The following STYXL1 variants were observed in gnomAD, a reference collection of about 807,000 sequenced individuals.
STYXL1 encodes the protein serine/threonine/tyrosine interacting like 1, also known as serine/threonine/tyrosine-interacting-like protein 1.
A neutral mutation model predicts 36.4 loss-of-function variants in STYXL1; 32 were observed. That is an observed-to-expected ratio of 0.88 (90% CI 0.66 to 1.18). STYXL1 has a LOEUF of 1.18. Among genes scored for constraint, STYXL1 ranks in the 50% most tolerant of loss-of-function variants. STYXL1 has a pLI of 0.00. For missense variants in STYXL1, 354 were observed against 394.1 expected (o/e 0.90, Z 0.86); for synonymous variants, 133 against 144.1 (o/e 0.92, Z 0.55).
At chr7:76,020,875 T>C (rs1486034454) in intron 4 of STYXL1, among the ~76,000 whole-genome samples, 4 of 152,098 alleles carry the variant, frequency 2.6e-5, no homozygotes, top group Non-Finnish European at 5.9e-5. Flanking sequence ...AGTAAAGCCC[T>C]TGGTTCCTGG....
intron 3 of STYXL1, among the ~76,000 whole-genome samples, chr7:76,024,562 A>C (rs1200083294): frequency 1.3e-5 from 2 of 152,116 alleles, no homozygotes; most frequent in African/African-American, 2.4e-5. Flanking sequence ...GGCTGCAGTG[A>C]GCTGTGATGG....
intron 6 of STYXL1, among the ~76,000 whole-genome samples, chr7:76,004,956 G>T (rs1272348285): frequency 6.6e-6 from 1 of 152,236 alleles, no homozygotes; most frequent in Admixed American, 6.5e-5. Context: ...AGCCGAGATT[G>T]TGCCACTGCA....
At chr7:76,011,688 G>A (rs1297672622) in intron 5 of STYXL1, among the ~76,000 whole-genome samples, 2 of 152,182 alleles carry the variant, frequency 1.3e-5, no homozygotes, top group East Asian at 1.9e-4. Flanking sequence ...CACTCTCCAG[G>A]GACCAGGCCC....
intron 2 of STYXL1, among the ~76,000 whole-genome samples, chr7:76,029,698 TG>T (rs35017320): frequency 0.12 from 17,852 of 152,114 alleles, 2,069 homozygotes; most frequent in African/African-American, 0.3. Flanking sequence ...CGGTCCCTTC[TG>T]GGGGTGACAG....
chr7:76,021,324 G>A (rs566406065), intron 4 of STYXL1, among the ~76,000 whole-genome samples: 89 of 152,068 alleles, frequency 5.9e-4, no homozygotes, highest in African/African-American at 1.9e-3. Context: ...CTTGTGATCC[G>A]CCCGCCTCGG....
At chr7:76,045,626 G>C (rs1403074600) in intron 1 of STYXL1, 11 of 152,328 alleles carry the variant, frequency 7.2e-5, no homozygotes, top group Admixed American at 7.2e-4. Context: ...GAACCCGGAG[G>C]TGGAGGTTGC....
chr7:76,027,486 T>C (rs1189446729), intron 3 of STYXL1, among the ~76,000 whole-genome samples: 1 of 150,832 alleles, frequency 6.6e-6, no homozygotes, highest in African/African-American at 2.4e-5. Context: ...AAAATTAGCA[T>C]GTTGGCACAA....
intron 1 of STYXL1, among the ~76,000 whole-genome samples, chr7:76,039,819 T>A (rs1796306163): frequency 6.6e-6 from 1 of 152,080 alleles, no homozygotes; most frequent in African/African-American, 2.4e-5. Flanking sequence ...GGCTAATTTT[T>A]GTATTTTTAT....
intron 3 of STYXL1, among the ~76,000 whole-genome samples, chr7:76,025,099 G>A (rs1794532447): frequency 6.7e-6 from 1 of 150,142 alleles, no homozygotes; most frequent in Non-Finnish European, 1.5e-5. Flanking sequence ...CTGGGAATGA[G>A]GCTGGAGACA....
At chr7:76,004,737 C>T (rs1219789515) in intron 6 of STYXL1, among the ~76,000 whole-genome samples, 2 of 150,906 alleles carry the variant, frequency 1.3e-5, no homozygotes, top group African/African-American at 2.4e-5. Flanking sequence ...CGCGGTGGCT[C>T]ATGCCTGTAA....
intron 4 of STYXL1, among the ~76,000 whole-genome samples, chr7:76,021,283 G>A (rs532573365): frequency 5.7e-4 from 87 of 152,032 alleles, no homozygotes; most frequent in African/African-American, 1.2e-3. Flanking sequence ...GAGTTTCACC[G>A]TGTTAGCCAA....
chr7:76,012,312 G>A (rs545634952), intron 5 of STYXL1, among the ~76,000 whole-genome samples: 3 of 151,962 alleles, frequency 2.0e-5, no homozygotes, highest in South Asian at 2.1e-4. Context: ...GTCTTGCTTC[G>A]TCAACCAGGC....
chr7:76,037,212 G>A (rs1796000133), intron 1 of STYXL1, among the ~76,000 whole-genome samples: 1 of 150,294 alleles, frequency 6.7e-6, no homozygotes, highest in Non-Finnish European at 1.5e-5. Flanking sequence ...CAAAGTGCTG[G>A]GATTACAGGC....
At chr7:76,013,721 G>A (rs1554572925) in intron 5 of STYXL1, 21 bp downstream of exon 5, 6 of 1,613,788 alleles carry the variant, frequency 3.7e-6, no homozygotes, top group Non-Finnish European at 5.1e-6. Flanking sequence ...GGGCCTGCCT[G>A]TGCTCAGCAT....
At chr7:76,046,704 TG>T (rs1216997227) in intron 1 of STYXL1, among the ~76,000 whole-genome samples, 1 of 128,462 alleles carries the variant, frequency 7.8e-6, no homozygotes, top group Non-Finnish European at 1.6e-5. Context: ...TGGAGTACAG[TG>T]GGGTTATCTC....
chr7:76,013,654 C>T, intron 5 of STYXL1, 88 bp downstream of exon 5: 1 of 1,572,878 alleles, frequency 6.4e-7, no homozygotes. Context: ...GTCCCATCCT[C>T]CTGTTTCTCC....
chr7:76,018,820 G>A (rs1281590078), intron 4 of STYXL1, among the ~76,000 whole-genome samples: 1 of 152,194 alleles, frequency 6.6e-6, no homozygotes, highest in African/African-American at 2.4e-5. Flanking sequence ...ACACTGCTAT[G>A]AACATTCATG....
In STYXL1 at chr7:76,003,745, G is replaced by C. The variant is rs781805820; in HGVS notation, c.697+13C>G. The C allele has an allele frequency of 5.0e-6, 8 of 1,613,618 alleles. No individual in the cohort carries two copies. In the East Asian group the frequency reaches 1.3e-4, roughly 27 times the overall value. ...ACAGGCCAGTTGCTACCCGGCCAAG[G>C]AACGCTCCTTACCAATGAAGTGACA... On this transcript the variant is annotated intron_variant, in intron 7 of 8. Transcript: ENST00000359697.
At chr7:76,045,421 G>C (rs1796859093) in intron 1 of STYXL1, 1 of 152,230 alleles carries the variant, frequency 6.6e-6, no homozygotes, top group South Asian at 2.1e-4. Context: ...GATTGGCCAG[G>C]TGCAGTGGCT....
Sources: gnomAD v4.1 joint callset for allele counts (sites outside exome capture counted in the v4.1 genomes callset) on GRCh38, gnomAD v4.1.1 for gene constraint, MANE v1.5 for transcripts, NCBI Gene and HGNC (gene_info 2026-07-23, HGNC 2026-07-21) for gene names.